SAMSN1: variants seen among roughly 807,000 people sequenced by gnomAD.
SAMSN1 encodes SAM domain, SH3 domain and nuclear localization signals 1.
SAMSN1 carries 31 observed loss-of-function variants against 42.0 expected under a neutral mutation model. That is an observed-to-expected ratio of 0.74 (90% CI 0.55 to 1.00). The LOEUF (loss-of-function observed/expected upper bound fraction) is 1.00. SAMSN1 is among the 50% of genes least tolerant of loss of function. The pLI, the probability that SAMSN1 is intolerant of heterozygous loss-of-function variation, is 0.00. For synonymous variants in SAMSN1, 178 were observed against 151.9 expected, an observed-to-expected ratio of 1.17 and a Z score of -1.26; for missense variants, 464 against 439.4, an observed-to-expected ratio of 1.06 and a Z score of -0.50.
chr21:14,622,579 G>A (rs1019680136), intron 2 of SAMSN1, among the ~76,000 whole-genome samples: 26 of 152,286 alleles, frequency 1.7e-4, no homozygotes, highest in African/African-American at 5.8e-4. Context: ...ACAAAAAAGA[G>A]TAAAAAGAAA....
intron 1 of SAMSN1, among the ~76,000 whole-genome samples, chr21:14,645,259 G>A (rs1043425930): frequency 3.9e-5 from 6 of 152,214 alleles, no homozygotes; most frequent in African/African-American, 1.2e-4. Context: ...TCACAGCAGT[G>A]GTAGCCACAG....
intron 7 of SAMSN1, among the ~76,000 whole-genome samples, chr21:14,589,703 A>C (rs973913179): frequency 6.6e-6 from 1 of 152,152 alleles, no homozygotes; most frequent in Non-Finnish European, 1.5e-5. Flanking sequence ...ATCTGTCTGA[A>C]TTATGTTCTC....
chr21:14,521,611 C>T (rs902825992), intron 1 of SAMSN1, among the ~76,000 whole-genome samples: 33 of 152,148 alleles, frequency 2.2e-4, no homozygotes, highest in African/African-American at 7.7e-4. Flanking sequence ...AACCAACAAA[C>T]AAATAACAAC....
intron 3 of SAMSN1, among the ~76,000 whole-genome samples, chr21:14,515,020 A>C (rs1321155394): frequency 6.6e-6 from 1 of 152,218 alleles, no homozygotes; most frequent in East Asian, 1.9e-4. Flanking sequence ...AAGCAGAGCC[A>C]AGAAAGGAAG....
At chr21:14,615,477 T>A (rs1982811973) in intron 3 of SAMSN1, among the ~76,000 whole-genome samples, 1 of 152,096 alleles carries the variant, frequency 6.6e-6, no homozygotes, top group Non-Finnish European at 1.5e-5. Context: ...AATTTCCCCA[T>A]AAACCGGCTT....
intron 7 of SAMSN1, among the ~76,000 whole-genome samples, chr21:14,593,485 A>G (rs1325095465): frequency 6.6e-6 from 1 of 152,142 alleles, no homozygotes; most frequent in East Asian, 1.9e-4. Flanking sequence ...CAAGGAAAGG[A>G]AGGCAGTTGA....
rs577490526 is a variant in SAMSN1 at position 14,622,870 on chromosome 21, G to A, written c.157-6854C>T. 8.3e-4 allele frequency among the ~76,000 whole-genome samples: 126 copies of A among 152,302 alleles called. 2 individuals are homozygous for A. The South Asian group carries it at 0.011, about 13-fold the overall frequency. Reference sequence around the variant, plus strand: ...AAAAAATGTTAAGGGCAGCCAGAGAGAAAAGTCAGGTTACCCACAAAGGGA... The same window carrying A: ...AAAAAATGTTAAGGGCAGCCAGAGAAAAAAGTCAGGTTACCCACAAAGGGA... On this transcript the variant is annotated intron_variant, in intron 2 of 15. Coordinates refer to the SAMSN1 transcript ENST00000647101.
chr21:14,493,246 C>A (rs1477993835), intron 7 of SAMSN1, among the ~76,000 whole-genome samples: 1 of 152,146 alleles, frequency 6.6e-6, no homozygotes, highest in Non-Finnish European at 1.5e-5. Flanking sequence ...GGCACTGCAA[C>A]CAGAGTTTGC....
In SAMSN1 at chr21:14,652,234, G is replaced by A. The variant is rs566804975; in HGVS notation, c.24+6514C>T. ...CCACAAAAGACACAGAATAGCCAAA[G>A]CTATCCTAAGCAAAAAGAACAAAAC... On this transcript the variant is annotated intron_variant, in intron 1 of 15. Transcript: ENST00000647101. 7.9e-5 allele frequency among the ~76,000 whole-genome samples: 12 copies of A among 152,008 alleles called. No individual in the cohort carries two copies. The East Asian group carries it at 2.3e-3, about 29-fold the overall frequency.
At chr21:14,587,730 G>A (rs1025943185), upstream of SAMSN1, among the ~76,000 whole-genome samples, 1 of 150,038 alleles carries the variant, frequency 6.7e-6, no homozygotes, top group Non-Finnish European at 1.5e-5. Context: ...TTTTTTTGTT[G>A]TTTTATCCAT....
chr21:14,530,669 A>G (rs375442979), intron 1 of SAMSN1, among the ~76,000 whole-genome samples: 38 of 152,338 alleles, frequency 2.5e-4, no homozygotes, highest in African/African-American at 8.9e-4. Flanking sequence ...TCGATGTTTC[A>G]TGAAGAGCTG....
Position 14,517,060 on chromosome 21 carries a change from CA to C in SAMSN1, c.130-20del, listed in dbSNP as rs1212850255. ...CATGTGCCTAGTTTAGAATTGTTTA[CA>C]AAAGACAAAATAATAAAGCAATAAA... is the stretch of plus-strand genomic sequence containing the variant. On this transcript the variant is annotated intron_variant, in intron 2 of 7. Coordinates refer to ENST00000400566, the MANE Select transcript of SAMSN1 (RefSeq NM_022136.5). The C allele has an allele frequency of 6.3e-7, 1 of 1,582,880 alleles. No individual in the cohort carries two copies. Among genetic ancestry groups the C allele is most frequent in the Non-Finnish European group, 8.6e-7 (1 of 1,165,448 alleles).
At chr21:14,658,951 A>C (rs901856727), upstream of SAMSN1, 4 of 582,466 alleles carry the variant, frequency 6.9e-6, no homozygotes, top group African/African-American at 7.5e-5. Flanking sequence ...TTTGTTGAAC[A>C]AACAATTTCC....
chr21:14,645,661 A>T (rs1167751662), intron 1 of SAMSN1, among the ~76,000 whole-genome samples: 1 of 152,198 alleles, frequency 6.6e-6, no homozygotes, highest in Admixed American at 6.5e-5. Flanking sequence ...TCACCAACTA[A>T]ACTAAATAAG....
At chr21:14,509,029 T>C (rs571727324) in intron 5 of SAMSN1, among the ~76,000 whole-genome samples, 7 of 151,770 alleles carry the variant, frequency 4.6e-5, no homozygotes, top group Admixed American at 4.6e-4. Context: ...GGGAGGAGAA[T>C]CGCTTGAACC....
chr21:14,634,745 A>G (rs1983422620), intron 2 of SAMSN1, among the ~76,000 whole-genome samples: 1 of 152,224 alleles, frequency 6.6e-6, no homozygotes, highest in Non-Finnish European at 1.5e-5. Context: ...CCACTGTGGA[A>G]GACAGTGTGG....
At chr21:14,648,555 A>T (rs2123391409) in intron 1 of SAMSN1, among the ~76,000 whole-genome samples, 1 of 152,284 alleles carries the variant, frequency 6.6e-6, no homozygotes, top group South Asian at 2.1e-4. Context: ...TCTACAATGA[A>T]CTCAAACAAA....
At chr21:14,537,460 C>T (rs2178933) in intron 1 of SAMSN1, among the ~76,000 whole-genome samples, 78,359 of 151,966 alleles carry the variant, frequency 0.52, 20,451 homozygotes, top group East Asian at 0.67. Context: ...TCATCTCCAG[C>T]AAATATGGTA....
intron 5 of SAMSN1, among the ~76,000 whole-genome samples, chr21:14,505,223 C>A (rs1448608578): frequency 1.3e-5 from 2 of 152,146 alleles, no homozygotes; most frequent in Non-Finnish European, 2.9e-5. Context: ...CAACAAATAG[C>A]ATGATGAATG....
Sources: gnomAD v4.1 joint callset for allele counts (sites outside exome capture counted in the v4.1 genomes callset) on GRCh38, gnomAD v4.1.1 for gene constraint, MANE v1.5 for transcripts, NCBI Gene and HGNC (gene_info 2026-07-23, HGNC 2026-07-21) for gene names.